Variants in HHIPL1 observed in about 807,000 individuals in gnomAD.
HHIPL1 encodes the protein HHIP-like protein 1.
In HHIPL1, 43 loss-of-function variants were observed where a neutral mutation model predicts 61.8. The ratio of observed to expected loss-of-function variants is 0.70; its 90% CI spans 0.55 to 0.90. HHIPL1 has a LOEUF of 0.90. Ranked by LOEUF, HHIPL1 falls within the 40% of genes least tolerant of loss-of-function variation. The pLI is 0.00. For synonymous variants in HHIPL1, 482 were observed against 515.8 expected (o/e 0.93, Z 0.89); for missense variants, 1,056 against 1,157.7 (o/e 0.91, Z 1.28).
intron 2 of HHIPL1, among the ~76,000 whole-genome samples, chr14:99,654,870 G>A (rs1383302045): frequency 6.6e-6 from 1 of 152,192 alleles, no homozygotes; most frequent in African/African-American, 2.4e-5. Context: ...GGGAGATGGA[G>A]GGACAGAATG....
chr14:99,671,561 G>A (rs551433254), intron 7 of HHIPL1, among the ~76,000 whole-genome samples: 1 of 152,276 alleles, frequency 6.6e-6, no homozygotes, highest in East Asian at 1.9e-4. Flanking sequence ...TATTGAAGTC[G>A]TGGGCCCACG....
chr14:99,662,251 A>T (rs2056164079), intron 5 of HHIPL1, among the ~76,000 whole-genome samples: 1 of 152,122 alleles, frequency 6.6e-6, no homozygotes, highest in South Asian at 2.1e-4. Context: ...GGAGCCCAGC[A>T]TGGGGGCCTT....
At chr14:99,656,944 G>C in intron 2 of HHIPL1, 56 bp from the exon 3 acceptor site, 1 of 1,472,870 alleles carries the variant, frequency 6.8e-7, no homozygotes, top group African/African-American at 1.4e-5. Context: ...ATCTTGTTTT[G>C]TGTGTTTGGC....
chr14:99,675,647 G>A lies in HHIPL1; in HGVS notation c.*21G>A, dbSNP rs1178290335. On this transcript the variant is annotated 3_prime_UTR_variant, in exon 9 of 9. Transcript: ENST00000330710. The surrounding 1 kb of genome is among the most constrained non-coding windows in gnomAD (Gnocchi z 5.4). ...TGTAGGCAACACGCCGCTGCCCCAG[G>A]CCATCCCGCCGGCGGGGGAGCCTGG... is the stretch of plus-strand genomic sequence containing the variant. The A allele has an allele frequency of 2.7e-6, 4 of 1,484,950 alleles. No homozygotes were observed. The highest frequency in any genetic ancestry group is 4.3e-5 in the Admixed American group (2 of 46,556). 92.0% of individuals were successfully genotyped at this position (1,484,950 alleles called of 1,614,324 possible).
chr14:99,650,937 C>T (rs568673491), intron 1 of HHIPL1, among the ~76,000 whole-genome samples: 2 of 152,222 alleles, frequency 1.3e-5, no homozygotes, highest in South Asian at 4.2e-4. Context: ...ATGTATTAGT[C>T]TCTTCTCTCA....
the HHIPL1 span, among the ~76,000 whole-genome samples, chr14:99,623,411 T>C: frequency 2.0e-5 from 3 of 152,218 alleles, no homozygotes; most frequent in East Asian, 3.9e-4. Flanking sequence ...GAGATGACAA[T>C]AGACACTTTT....
the HHIPL1 span, among the ~76,000 whole-genome samples, chr14:99,611,406 G>C: frequency 6.6e-6 from 1 of 151,280 alleles, no homozygotes; most frequent in African/African-American, 2.4e-5. Context: ...TGATTCCCCT[G>C]CCTCAGCCTT....
Position 99,656,867 on chromosome 14 carries a change from G to T in HHIPL1, c.903-133G>T, listed in dbSNP as rs531489547. ...AGGAAGGAAGGAAGGAAGGAAGGAA[G>T]GAAGGAAGGAAGGAAGGAAGGAAGG... On this transcript the variant is annotated intron_variant, in intron 2 of 8. Transcript: ENST00000330710. 2 of 46,202 alleles carry T rather than the reference G, an allele frequency of 4.3e-5. 1 individual carries two copies. The highest frequency in any genetic ancestry group is 8.2e-5 in the Non-Finnish European group (2 of 24,264). The allele number at this position is 46,202 out of a possible 1,614,324, so 2.9% of individuals were successfully genotyped here. A position where few individuals can be genotyped will look rare whatever the true frequency, so the allele number is the denominator to read the frequency against.
chr14:99,612,280 C>T, the HHIPL1 span, among the ~76,000 whole-genome samples: 4 of 152,190 alleles, frequency 2.6e-5, no homozygotes, highest in Non-Finnish European at 4.4e-5. Flanking sequence ...CTATCTCCAC[C>T]TGGTCCCGCC....
chr14:99,669,833 G>C (rs946241998), intron 7 of HHIPL1, among the ~76,000 whole-genome samples: 1 of 152,194 alleles, frequency 6.6e-6, no homozygotes, highest in Non-Finnish European at 1.5e-5. Context: ...GCTAAGGTGA[G>C]AGGATCACTC....
chr14:99,656,840 G>GAAAGA (rs1566809921), intron 2 of HHIPL1, among the ~76,000 whole-genome samples, 160 bp from the exon 3 acceptor site: 1 of 2,312 alleles, frequency 4.3e-4, no homozygotes, highest in African/African-American at 1.0e-3. Context: ...AGAAAGAAAG[G>GAAAGA]AAGGAAGGAA....
rs1321094721 is a variant in HHIPL1, at chr14:99,659,856, C to CAA, written c.1375+100_1375+101insAA. The CAA allele has an allele frequency of 8.4e-5, 44 of 520,918 alleles. 6 individuals carry two copies. In the South Asian group the frequency reaches 1.4e-3, roughly 17 times the overall value. The allele number at this position is 520,918 out of a possible 1,614,324, so 32.3% of individuals were successfully genotyped here. A position where few individuals can be genotyped will look rare whatever the true frequency, so the allele number is the denominator to read the frequency against. ...TCCCTCGGAGACCGCACCCCCCCCC[C>CAA]CCCGGAGATCCCTGACCCTGAGTCT... On this transcript the variant is annotated intron_variant, in intron 4 of 8. Coordinates refer to ENST00000330710, the MANE Select transcript of HHIPL1 (RefSeq NM_001127258.3).
chr14:99,654,852 T>G (rs2056002084), intron 2 of HHIPL1, among the ~76,000 whole-genome samples: 1 of 152,218 alleles, frequency 6.6e-6, no homozygotes, highest in Non-Finnish European at 1.5e-5. Context: ...CACATGGATC[T>G]GACAGAGGGG....
chr14:99,668,558 G>T lies in HHIPL1; in HGVS notation c.1730+255G>T, dbSNP rs537442159. On this transcript the variant is annotated intron_variant, in intron 7 of 8. Transcript: ENST00000330710. The surrounding 1 kb of genome is among the most constrained non-coding windows in gnomAD (Gnocchi z 4.7). ...GGAGGGAGCTGGAGAGGTGACTGGG[G>T]CCGCGGGCCGAGGCTTCACTTGGCT... Among the ~76,000 whole-genome samples, 40 of 152,210 alleles carry T rather than the reference G, an allele frequency of 2.6e-4. No homozygotes were observed. The highest frequency in any genetic ancestry group is 8.7e-4 in the African/African-American group (36 of 41,536).
At chr14:99,635,553 G>C in the HHIPL1 span, among the ~76,000 whole-genome samples, 1 of 152,112 alleles carries the variant, frequency 6.6e-6, no homozygotes, top group Admixed American at 6.5e-5. Flanking sequence ...TTAGACTCTG[G>C]GGTCTCCTCC....
intron 1 of HHIPL1, among the ~76,000 whole-genome samples, chr14:99,646,860 A>G (rs1217542634): frequency 8.4e-6 from 1 of 118,364 alleles, no homozygotes; most frequent in Non-Finnish European, 2.0e-5. Context: ...ATAATATAAT[A>G]TGATATAATA....
the HHIPL1 span, among the ~76,000 whole-genome samples, chr14:99,615,211 T>C: frequency 6.6e-6 from 1 of 151,926 alleles, no homozygotes; most frequent in Non-Finnish European, 1.5e-5. Context: ...GAAAAATTAT[T>C]TCCCAGACAT....
the HHIPL1 span, among the ~76,000 whole-genome samples, chr14:99,608,403 A>T: frequency 6.6e-6 from 1 of 152,186 alleles, no homozygotes; most frequent in African/African-American, 2.4e-5. Context: ...ACCTATGAGG[A>T]GGTGTCATTA....
At position 99,675,278 on chromosome 14, in the gene HHIPL1, G is replaced by A; in HGVS notation, c.2001G>A (p.Ala667=). ...RRGRLNSASR[A]FRDGEVRLVR... ...GGCGGCTGAACTCGGCGAGCCGGGC[G>A]TTCCGGGATGGCGAGGTGCGCCTGG... The change falls in exon 9 of 9, where the codon GCG becomes GCA. Residue 667 remains alanine, a synonymous_variant. Coordinates refer to ENST00000330710, the MANE Select transcript of HHIPL1 (RefSeq NM_001127258.3). This position sits in a 1 kb window ranked among gnomAD's most constrained non-coding sequence, Gnocchi z 5.4. The A allele has an allele frequency of 1.6e-6, 2 of 1,261,228 alleles. No homozygotes were observed. The highest frequency in any genetic ancestry group is 3.0e-5 in the South Asian group (1 of 33,330). The allele number at this position is 1,261,228 out of a possible 1,614,324, so 78.1% of individuals were successfully genotyped here.
Sources: allele counts gnomAD v4.1 joint callset (sites outside exome capture counted in the v4.1 genomes callset), GRCh38; gene constraint gnomAD v4.1.1; non-coding constraint Gnocchi (gnomAD v3.1); transcripts MANE v1.5; gene names NCBI Gene and HGNC (gene_info 2026-07-23, HGNC 2026-07-21).